HDAC9: variants seen among roughly 807,000 people sequenced by gnomAD.
HDAC9 encodes MEF-2 interacting transcription repressor (MITR) protein.
A neutral mutation model predicts 139.4 loss-of-function variants in HDAC9; 41 were observed. The observed-to-expected ratio is 0.29, with a 90% confidence interval of 0.23 to 0.38. The LOEUF is 0.38. Ranked by LOEUF, HDAC9 falls within the 10% of genes least tolerant of loss-of-function variation. HDAC9 has a pLI of 1.00. For synonymous variants in HDAC9, 517 were observed against 476.2 expected, an observed-to-expected ratio of 1.09 and a Z score of -1.12; for missense variants, 1,147 against 1,297.0, an observed-to-expected ratio of 0.88 and a Z score of 1.78.
At chr7:18,136,782 T>A (rs1464939087) in intron 1 of HDAC9, among the ~76,000 whole-genome samples, 1 of 151,588 alleles carries the variant, frequency 6.6e-6, no homozygotes, top group Non-Finnish European at 1.5e-5. Context: ...GACTTGGCGA[T>A]GCGGGCTCTT....
In HDAC9 at chr7:18,815,425, TC is replaced by T. The variant is rs1372957134; in HGVS notation, c.2323-13731del. Among the ~76,000 whole-genome samples, 5 of 152,308 alleles carry T rather than the reference TC, an allele frequency of 3.3e-5. No homozygotes were observed. The East Asian group carries it at 9.6e-4, about 29-fold the overall frequency. On this transcript the variant is annotated intron_variant, in intron 17 of 25. Transcript: ENST00000686413. ...TTACCAAGACCACATCCTGATGATTTCCCCCGTCACAACAAGACTTTCTTCA... is the reference window on the plus strand; with the variant it reads ...TTACCAAGACCACATCCTGATGATTTCCCCGTCACAACAAGACTTTCTTCA...
intron 22 of HDAC9, among the ~76,000 whole-genome samples, chr7:18,897,525 G>C (rs555239958): frequency 6.6e-6 from 1 of 151,926 alleles, no homozygotes; most frequent in South Asian, 2.1e-4. Context: ...GATCCTTCCT[G>C]TTTGCTCTGC....
chr7:18,815,885 A>C (rs1227895600), intron 17 of HDAC9, among the ~76,000 whole-genome samples: 1 of 152,218 alleles, frequency 6.6e-6, no homozygotes, highest in Non-Finnish European at 1.5e-5. Flanking sequence ...CCAGCATGTG[A>C]GAGACAAATT....
At chr7:18,240,889 G>A (rs532506914) in intron 2 of HDAC9, among the ~76,000 whole-genome samples, 2 of 152,092 alleles carry the variant, frequency 1.3e-5, no homozygotes, top group Non-Finnish European at 2.9e-5. Flanking sequence ...CCAGAAATTT[G>A]CATTATTTGC....
At chr7:18,995,649 G>A (rs1444390252) in intron 25 of HDAC9, among the ~76,000 whole-genome samples, 3 of 152,166 alleles carry the variant, frequency 2.0e-5, no homozygotes, top group Non-Finnish European at 2.9e-5. Flanking sequence ...TGGGTCCTTT[G>A]CTCTCATTAG....
chr7:18,299,361 G>C (rs757882702), intron 1 of HDAC9, among the ~76,000 whole-genome samples: 7 of 152,100 alleles, frequency 4.6e-5, no homozygotes, highest in Non-Finnish European at 8.8e-5. Flanking sequence ...GTATTGGAGA[G>C]ACAAGTAATC....
intron 22 of HDAC9, among the ~76,000 whole-genome samples, chr7:18,879,047 A>C (rs973959671): frequency 6.6e-6 from 1 of 152,110 alleles, no homozygotes; most frequent in African/African-American, 2.4e-5. Context: ...GAGAAAGGCA[A>C]TCCCATTCAC....
At chr7:18,786,470 CGTCCTTCCTTCCTTT>C (rs763630157) in intron 16 of HDAC9, among the ~76,000 whole-genome samples, 1 of 20,778 alleles carries the variant, frequency 4.8e-5, no homozygotes, top group African/African-American at 9.3e-5. Flanking sequence ...TCCTTCCTTT[CGTCCTTCCTTCCTTT>C]CTTCCTTCCT....
intron 2 of HDAC9, among the ~76,000 whole-genome samples, chr7:18,179,328 AG>A (rs1789201094): frequency 6.6e-6 from 1 of 152,338 alleles, no homozygotes; most frequent in South Asian, 2.1e-4. Context: ...CTGAATCCAT[AG>A]GGACTTGCCC....
intron 2 of HDAC9, among the ~76,000 whole-genome samples, chr7:18,582,107 C>A (rs1473866924): frequency 6.6e-6 from 1 of 152,156 alleles, no homozygotes; most frequent in Non-Finnish European, 1.5e-5. Flanking sequence ...GTATATGAAG[C>A]CTTAACATCT....
At chr7:18,894,583 GA>G (rs1563031365) in intron 22 of HDAC9, among the ~76,000 whole-genome samples, 1 of 152,068 alleles carries the variant, frequency 6.6e-6, no homozygotes, top group Non-Finnish European at 1.5e-5. Flanking sequence ...TTGGAGGAGA[GA>G]AATTGTAGAC....
intron 1 of HDAC9, among the ~76,000 whole-genome samples, chr7:18,481,470 T>C (rs1795544699): frequency 6.6e-6 from 1 of 152,208 alleles, no homozygotes; most frequent in Admixed American, 6.5e-5. Flanking sequence ...CAAATGGATA[T>C]TAACTACAAC....
rs989485717 is a variant in HDAC9, at chr7:18,479,468, G to A, written c.-41-16794G>A. On this transcript the variant is annotated intron_variant, in intron 1 of 3. Coordinates refer to the HDAC9 transcript ENST00000413509. ...TTCCACATATGTGGGCCTAATTGTC[G>A]TTGGTCTATTCTGTTCTCTTACCTA... Among the ~76,000 whole-genome samples, 17 of 152,164 alleles carry A rather than the reference G, an allele frequency of 1.1e-4. No individual in the cohort carries two copies. The South Asian group carries it at 2.7e-3, about 24-fold the overall frequency.
chr7:18,458,940 GAGT>G, intron 1 of HDAC9: 1 of 1,408,648 alleles, frequency 7.1e-7, no homozygotes, highest in South Asian at 1.2e-5. Context: ...GGTTTCTTGG[GAGT>G]AGAGCTGAAC....
chr7:18,584,140 C>CTTTTTTTTTTTTTTTT (rs3084518), intron 2 of HDAC9, among the ~76,000 whole-genome samples: 1 of 107,754 alleles, frequency 9.3e-6, no homozygotes, highest in Non-Finnish European at 1.8e-5. Context: ...AAGCAGCATT[C>CTTTTTTTTTTTTTTTT]TTTTTTTTTT....
intron 17 of HDAC9, among the ~76,000 whole-genome samples, chr7:18,828,551 TC>T (rs1795623750): frequency 6.6e-6 from 1 of 152,182 alleles, no homozygotes; most frequent in Non-Finnish European, 1.5e-5. Context: ...ACTTAGGGAA[TC>T]CAATAAAGTT....
chr7:18,495,726 G>A (rs940354189), upstream of HDAC9: 14 of 988,076 alleles, frequency 1.4e-5, no homozygotes, highest in Non-Finnish European at 1.6e-5. Context: ...GCCAACTTGA[G>A]CTGAGAGAGA....
intron 6 of HDAC9, among the ~76,000 whole-genome samples, chr7:18,618,003 T>G (rs1023519273): frequency 6.6e-6 from 1 of 152,182 alleles, no homozygotes; most frequent in Non-Finnish European, 1.5e-5. Flanking sequence ...GATGTTATAG[T>G]CTTTTAAATA....
At chr7:18,564,984 T>C (rs1306896789) in intron 2 of HDAC9, among the ~76,000 whole-genome samples, 1 of 150,036 alleles carries the variant, frequency 6.7e-6, no homozygotes, top group Admixed American at 6.6e-5. Context: ...TATTTATTTA[T>C]TTATTTATTT....
Sources: allele counts gnomAD v4.1 joint callset (sites outside exome capture counted in the v4.1 genomes callset), GRCh38; gene constraint gnomAD v4.1.1; transcripts MANE v1.5; gene names NCBI Gene and HGNC (gene_info 2026-07-23, HGNC 2026-07-21).